PCDHA8: variants seen among roughly 807,000 people sequenced by gnomAD.
PCDHA8 encodes protocadherin alpha 8.
Under a neutral mutation model 61.8 loss-of-function variants are expected in PCDHA8, and 53 were observed. The observed-to-expected ratio is 0.86, with a 90% CI of 0.69 to 1.08. The LOEUF (loss-of-function observed/expected upper bound fraction) is 1.08. Ranked by LOEUF, PCDHA8 falls within the 50% of genes least tolerant of loss-of-function variation. The pLI is 0.00. For synonymous variants in PCDHA8, 618 were observed against 556.6 expected, an observed-to-expected ratio of 1.11 and a Z score of -1.55; for missense variants, 1,293 against 1,245.0, an observed-to-expected ratio of 1.04 and a Z score of -0.58.
At chr5:140,849,937 A>T (rs1554143515) in intron 1 of PCDHA8, 3 of 1,598,056 alleles carry the variant, frequency 1.9e-6, no homozygotes, top group Non-Finnish European at 2.6e-6. Flanking sequence ...TCTGCGCGGG[A>T]CGCTGACGCG....
intron 1 of PCDHA8, among the ~76,000 whole-genome samples, chr5:140,975,450 G>T (rs1175028711): frequency 6.6e-6 from 1 of 152,174 alleles, no homozygotes. Context: ...AGGGATCTTG[G>T]GGCCATCTTG....
intron 1 of PCDHA8, among the ~76,000 whole-genome samples, chr5:140,880,366 C>A (rs2058318245): frequency 6.6e-6 from 1 of 152,052 alleles, no homozygotes; most frequent in African/African-American, 2.4e-5. Flanking sequence ...AGATGAAAAC[C>A]ATGAGAGAAT....
chr5:140,927,574 G>T, intron 1 of PCDHA8: 1 of 1,614,168 alleles, frequency 6.2e-7, no homozygotes, highest in Non-Finnish European at 8.5e-7. Flanking sequence ...GGACACAAAT[G>T]ACAACGCGCC....
intron 1 of PCDHA8, among the ~76,000 whole-genome samples, chr5:140,961,335 A>G (rs548773476): frequency 1.6e-4 from 24 of 152,322 alleles, no homozygotes; most frequent in African/African-American, 5.8e-4. Context: ...TGAGAGACCA[A>G]GAGTGGATCC....
intron 1 of PCDHA8, among the ~76,000 whole-genome samples, chr5:140,914,386 G>A (rs565819670): frequency 2.6e-5 from 4 of 152,216 alleles, no homozygotes; most frequent in East Asian, 1.9e-4. Flanking sequence ...TGTTATAAGT[G>A]TAGTTACCCC....
chr5:140,857,377 G>C (rs1347476888), intron 1 of PCDHA8: 3 of 1,598,472 alleles, frequency 1.9e-6, no homozygotes, highest in Non-Finnish European at 1.7e-6. Flanking sequence ...TGTCTGTGGA[G>C]GTGGCCGACG....
rs2150329918 is a variant in PCDHA8, at chr5:140,842,127, C to G, written c.806C>G (p.Pro269Arg). 7.9e-5 allele frequency: 127 copies of G among 1,612,886 alleles called. 5 individuals carry two copies. The South Asian group carries it at 8.9e-4, about 11-fold the overall frequency. ...TTVIKLNASD[P>R]DEGANGAISY... ...GTTATCAAACTGAATGCTTCTGATC[C>G]GGATGAAGGAGCCAATGGGGCAATT... The change falls in exon 1 of 4, where the codon CCG (proline) becomes CGG (arginine). Residue 269 changes from proline (P) to arginine (R), a missense_variant. Coordinates refer to ENST00000531613, the MANE Select transcript of PCDHA8 (RefSeq NM_018911.3).
In PCDHA8 at chr5:140,842,797, C is replaced by T. The variant is rs1554139391; in HGVS notation, c.1476C>T (p.Tyr492=). 2 of 1,594,372 alleles carry T rather than the reference C, an allele frequency of 1.3e-6. No homozygotes were observed. The highest frequency in any genetic ancestry group is 2.2e-5 in the East Asian group (1 of 44,820). Residue 492 remains tyrosine, a synonymous_variant, in exon 1 of 4, where the codon TAC becomes TAT. Coordinates refer to ENST00000531613, the MANE Select transcript of PCDHA8 (RefSeq NM_018911.3). ...ADAQENALVS[Y]SLVERRVGER... is the part of the protein sequence containing the mutation. ...CGCAGGAGAACGCGCTGGTGTCCTA[C>T]TCGCTTGTGGAGCGGCGGGTGGGCG...
intron 1 of PCDHA8, chr5:140,928,443 G>A: frequency 6.2e-7 from 1 of 1,614,184 alleles, no homozygotes. Context: ...ACTTTGAGCA[G>A]CTCAGGGGGT....
chr5:140,931,304 G>A (rs1218460625), intron 1 of PCDHA8, among the ~76,000 whole-genome samples: 13 of 152,056 alleles, frequency 8.5e-5, no homozygotes, highest in Non-Finnish European at 1.9e-4. Context: ...CAAAAAGAGA[G>A]GAGAATACCA....
intron 1 of PCDHA8, among the ~76,000 whole-genome samples, chr5:140,896,345 C>T (rs113477424): frequency 0.12 from 18,881 of 152,098 alleles, 1,242 homozygotes; most frequent in Middle Eastern, 0.19. Flanking sequence ...TTTATATTCC[C>T]GCCAGCAGTG....
At position 140,850,757 on chromosome 5, in the gene PCDHA8, G is replaced by C. The variant is rs1554144879; in HGVS notation, c.2394+7042G>C. On this transcript the variant is annotated intron_variant, in intron 1 of 3. Coordinates refer to ENST00000531613, the MANE Select transcript of PCDHA8 (RefSeq NM_018911.3). ...GGAGTTGGTCGTACTCGCAGCAGAGGAGGCAGAGGGTGTGCTCTGGCGAGG... is the reference window on the plus strand; with the variant it reads ...GGAGTTGGTCGTACTCGCAGCAGAGCAGGCAGAGGGTGTGCTCTGGCGAGG... The C allele has an allele frequency of 1.3e-5, 20 of 1,597,958 alleles. 2 individuals are homozygous for C. The highest frequency in any genetic ancestry group is 1.4e-5 in the Non-Finnish European group (16 of 1,167,660).
chr5:140,862,637 TCA>T (rs1396343286), intron 1 of PCDHA8: 1 of 539,612 alleles, frequency 1.9e-6, no homozygotes, highest in Admixed American at 1.9e-5. Flanking sequence ...TGCCACGACT[TCA>T]CAGTGTCCGC....
chr5:140,851,664 A>G, intron 1 of PCDHA8: 1 of 913,742 alleles, frequency 1.1e-6, no homozygotes, highest in South Asian at 5.0e-5. Flanking sequence ...TTCTCCTTTT[A>G]ATTGAAATTT....
intron 1 of PCDHA8, among the ~76,000 whole-genome samples, chr5:140,933,870 T>C (rs2089481018): frequency 6.6e-6 from 1 of 152,092 alleles, no homozygotes. Context: ...CAGATATATG[T>C]TAGTTTTATC....
intron 1 of PCDHA8, among the ~76,000 whole-genome samples, chr5:140,892,783 T>C (rs1554185363): frequency 6.6e-6 from 1 of 152,168 alleles, no homozygotes; most frequent in African/African-American, 2.4e-5. Context: ...TTCTTGAAAA[T>C]ATGTAAGAAA....
intron 1 of PCDHA8, chr5:140,849,900 C>T: frequency 6.3e-7 from 1 of 1,598,532 alleles, no homozygotes; most frequent in East Asian, 2.2e-5. Flanking sequence ...GGAGAACAAC[C>T]CGCCGGGCTG....
Position 140,856,344 on chromosome 5 carries a change from T to C in PCDHA8, c.2394+12629T>C, listed in dbSNP as rs782335067. 2.8e-5 allele frequency: 45 copies of C among 1,598,188 alleles called. 4 individuals are homozygous for C. The highest frequency in any genetic ancestry group is 1.5e-4 in the Admixed American group (9 of 59,260). On this transcript the variant is annotated intron_variant, in intron 1 of 3. Transcript: ENST00000531613. The stretch of plus-strand genomic sequence containing the variant: ...CGCGAGGAGCTGTGCGGGCGGAGCG[T>C]GGAGTGCAGCATCCACCTGGAGGTG...
Position 140,853,615 on chromosome 5 carries a change from A to G in PCDHA8, c.2394+9900A>G, listed in dbSNP as rs1265889147. 5 of 988,116 alleles carry G rather than the reference A, an allele frequency of 5.1e-6. 1 individual carries two copies. Among genetic ancestry groups the G allele is most frequent in the Non-Finnish European group, 6.1e-6 (5 of 820,262 alleles). 61.2% of individuals were successfully genotyped at this position (988,116 alleles called of 1,614,324 possible). ...TTTGAGAGCAAAGGGGGTGCTGTAA[A>G]TAAGTATACAAGATCACAGACCTAA... On this transcript the variant is annotated intron_variant, in intron 1 of 3. Coordinates refer to ENST00000531613, the MANE Select transcript of PCDHA8 (RefSeq NM_018911.3).
Sources: gnomAD v4.1 joint callset for allele counts (sites outside exome capture counted in the v4.1 genomes callset) on GRCh38, gnomAD v4.1.1 for gene constraint, MANE v1.5 for transcripts, NCBI Gene and HGNC (gene_info 2026-07-23, HGNC 2026-07-21) for gene names.